SMG1: variants seen among roughly 807,000 people sequenced by gnomAD.
SMG1 encodes the protein SMG1 nonsense mediated mRNA decay associated PI3K related kinase.
Under a neutral mutation model 419.9 loss-of-function variants are expected in SMG1, and 22 were observed. The observed-to-expected ratio is 0.05, with a 90% confidence interval of 0.04 to 0.07. The LOEUF is 0.07. SMG1 is among the 10% of genes least tolerant of loss of function. The pLI, the probability that SMG1 is intolerant of heterozygous loss-of-function variation, is 1.00. For synonymous variants in SMG1, 1,538 were observed against 1,553.5 expected, an observed-to-expected ratio of 0.99 and a Z score of 0.23; for missense variants, 3,185 against 4,342.0, an observed-to-expected ratio of 0.73 and a Z score of 7.49.
chr16:18,895,357 T>C (rs2037076744), intron 3 of SMG1, among the ~76,000 whole-genome samples: 1 of 152,038 alleles, frequency 6.6e-6, no homozygotes. Context: ...CATGCACCTG[T>C]AACCCCAGCT....
At chr16:18,905,888 A>C (rs2037541782) in intron 1 of SMG1, among the ~76,000 whole-genome samples, 1 of 152,128 alleles carries the variant, frequency 6.6e-6, no homozygotes, top group Admixed American at 6.6e-5. Flanking sequence ...CTGGAATTAC[A>C]GGCGTGAGGC....
intron 62 of SMG1, among the ~76,000 whole-genome samples, chr16:18,810,091 G>T (rs10500402): frequency 2.0e-5 from 3 of 151,714 alleles, no homozygotes; most frequent in Non-Finnish European, 4.4e-5. Context: ...ATTGAATTAC[G>T]GATGCCAAAC....
At chr16:18,821,221 C>CTTT (rs869238782) in intron 55 of SMG1, among the ~76,000 whole-genome samples, 11 of 35,598 alleles carry the variant, frequency 3.1e-4, no homozygotes, top group East Asian at 1.2e-3. Flanking sequence ...TAGTATGTTT[C>CTTT]TTTTTTTTTT....
intron 1 of SMG1, among the ~76,000 whole-genome samples, chr16:18,908,313 C>T (rs1354473563): frequency 6.7e-6 from 1 of 148,214 alleles, no homozygotes; most frequent in African/African-American, 2.5e-5. Context: ...TGCAGTGAGC[C>T]GAGAGCTCAC....
At chr16:18,837,530 CTTAA>C in intron 45 of SMG1, 87 bp from the exon 46 acceptor site, 1 of 1,171,718 alleles carries the variant, frequency 8.5e-7, no homozygotes, top group Non-Finnish European at 1.2e-6. Context: ...GCACATCCTA[CTTAA>C]ATCTCTACAA....
At chr16:18,831,304 T>C (rs1271282144) in intron 51 of SMG1, among the ~76,000 whole-genome samples, 1 of 152,158 alleles carries the variant, frequency 6.6e-6, no homozygotes, top group African/African-American at 2.4e-5. Context: ...AGCTGTAAGA[T>C]GGTATGAGAT....
chr16:18,835,230 C>T (rs2033481393), intron 48 of SMG1, 66 bp from the exon 49 acceptor site: 2 of 1,454,764 alleles, frequency 1.4e-6, no homozygotes, highest in Non-Finnish European at 1.9e-6. Context: ...AAGAATATTG[C>T]ATTTAATCCT....
chr16:18,872,944 A>C lies in SMG1; in HGVS notation c.1891-320T>G, dbSNP rs2035904617. Among the ~76,000 whole-genome samples, 4 of 152,216 alleles carry C rather than the reference A, an allele frequency of 2.6e-5. 1 individual carries two copies. In the South Asian group the frequency reaches 8.3e-4, roughly 32 times the overall value. ...TAAGGTGGGCAGATCACTTGAGCCC[A>C]GGAGTTTGAAACCAGCCTGGGCAAC... is the stretch of plus-strand genomic sequence containing the variant. On this transcript the variant is annotated intron_variant, in intron 13 of 62. Transcript: ENST00000446231.
intron 12 of SMG1, among the ~76,000 whole-genome samples, chr16:18,876,815 ACTT>A (rs2036157657): frequency 6.6e-6 from 1 of 151,986 alleles, no homozygotes; most frequent in Non-Finnish European, 1.5e-5. Context: ...AATATACAGT[ACTT>A]CTTAATTTAT....
intron 51 of SMG1, among the ~76,000 whole-genome samples, chr16:18,831,052 A>C (rs2033141230): frequency 6.6e-6 from 1 of 152,218 alleles, no homozygotes; most frequent in Non-Finnish European, 1.5e-5. Context: ...ACAAGATACG[A>C]TACAACCAAG....
At chr16:18,907,741 A>G (rs2037621985) in intron 1 of SMG1, among the ~76,000 whole-genome samples, 1 of 149,798 alleles carries the variant, frequency 6.7e-6, no homozygotes, top group Non-Finnish European at 1.5e-5. Context: ...AGTCCCAGCT[A>G]CTCAGGGGGC....
intron 5 of SMG1, among the ~76,000 whole-genome samples, chr16:18,890,460 A>G (rs28651587): frequency 0.07 from 10,642 of 152,248 alleles, 378 homozygotes; most frequent in African/African-American, 0.094. Flanking sequence ...CAACATGGTG[A>G]AACTGCAAGC....
intron 15 of SMG1, among the ~76,000 whole-genome samples, 152 bp from the exon 16 acceptor site, chr16:18,871,634 T>C (rs2035828099): frequency 1.3e-5 from 2 of 152,072 alleles, no homozygotes; most frequent in South Asian, 4.1e-4. Context: ...CTATAGAAAT[T>C]ACTGTCAAAA....
intron 1 of SMG1, among the ~76,000 whole-genome samples, chr16:18,923,514 C>T (rs1232316939): frequency 2.0e-5 from 3 of 151,950 alleles, no homozygotes; most frequent in African/African-American, 4.8e-5. Flanking sequence ...CGCCTGTAAT[C>T]CCAGCTACTC....
chr16:18,873,625 C>T (rs2035944346), intron 13 of SMG1, among the ~76,000 whole-genome samples: 1 of 152,218 alleles, frequency 6.6e-6, no homozygotes, highest in Non-Finnish European at 1.5e-5. Context: ...AAACAAAAAA[C>T]AAGTGCTGGG....
At chr16:18,891,573 T>A (rs2036882080) in intron 4 of SMG1, among the ~76,000 whole-genome samples, 1 of 152,158 alleles carries the variant, frequency 6.6e-6, no homozygotes, top group Admixed American at 6.5e-5. Flanking sequence ...TAGCTGGAAT[T>A]ACGGGCATGT....
intron 1 of SMG1, among the ~76,000 whole-genome samples, chr16:18,909,411 G>A (rs2037707699): frequency 2.0e-5 from 3 of 151,944 alleles, no homozygotes; most frequent in Non-Finnish European, 2.9e-5. Context: ...AGCTGCAGTA[G>A]CTCACACCTG....
chr16:18,867,770 G>GCGATCT (rs1430957603), intron 22 of SMG1, among the ~76,000 whole-genome samples: 1 of 135,112 alleles, frequency 7.4e-6, no homozygotes, highest in African/African-American at 2.8e-5. Context: ...GTGCAGTGGT[G>GCGATCT]CGATCTCGGT....
rs139951602 is a variant in SMG1, at chr16:18,850,378, G to A, written c.5142C>T (p.Ser1714=). The A allele has an allele frequency of 1.2e-6, 2 of 1,613,948 alleles. No individual in the cohort carries two copies. The highest frequency in any genetic ancestry group is 2.2e-5 in the East Asian group (1 of 44,868). ...CATCAAGTTCTGAAAGCCATGGGCA[G>A]CTTGATATCAACTGACGCCAGATAA... ...VDVIWRQLIS[S]CPWLSELDES... Residue 1714 remains serine, a synonymous_variant, in exon 34 of 63, where the codon AGC becomes AGT. Coordinates refer to ENST00000446231, the MANE Select transcript of SMG1 (RefSeq NM_015092.5).
Sources: gnomAD v4.1 joint callset for allele counts (sites outside exome capture counted in the v4.1 genomes callset) on GRCh38, gnomAD v4.1.1 for gene constraint, MANE v1.5 for transcripts, NCBI Gene and HGNC (gene_info 2026-07-23, HGNC 2026-07-21) for gene names.